C8orf34: variants seen among roughly 807,000 people sequenced by gnomAD.
C8orf34 encodes the protein chromosome 8 open reading frame 34.
Under a neutral mutation model 68.3 loss-of-function variants are expected in C8orf34, and 65 were observed. The observed-to-expected ratio is 0.95, with a 90% confidence interval of 0.78 to 1.17. The LOEUF (loss-of-function observed/expected upper bound fraction) is 1.17, where lower values mean the gene tolerates loss of function less well. C8orf34 is among the 50% of genes most tolerant of loss of function. The pLI is 0.00. For synonymous variants in C8orf34, 244 were observed against 241.2 expected (o/e 1.01, Z -0.11); for missense variants, 664 against 655.4 (o/e 1.01, Z -0.14).
intron 8 of C8orf34, among the ~76,000 whole-genome samples, chr8:68,665,058 C>A (rs1477678014): frequency 6.6e-6 from 1 of 152,180 alleles, no homozygotes; most frequent in Non-Finnish European, 1.5e-5. Flanking sequence ...TAATTCTCTT[C>A]TCCCATGGAT....
At chr8:68,379,293 G>A (rs760742111) in intron 1 of C8orf34, among the ~76,000 whole-genome samples, 11 of 152,120 alleles carry the variant, frequency 7.2e-5, no homozygotes, top group East Asian at 1.9e-4. Context: ...GTGTTACTTC[G>A]GTTGTTAATT....
At chr8:68,777,626 T>TCAA (rs1240575279) in intron 11 of C8orf34, among the ~76,000 whole-genome samples, 2 of 152,138 alleles carry the variant, frequency 1.3e-5, no homozygotes, top group African/African-American at 4.8e-5. Flanking sequence ...ATAATCAAAA[T>TCAA]CAACATCCTA....
chr8:68,460,122 A>T (rs562283671), intron 3 of C8orf34, among the ~76,000 whole-genome samples: 223 of 152,106 alleles, frequency 1.5e-3, no homozygotes, highest in African/African-American at 4.9e-3. Context: ...TAAAAAACGG[A>T]GTACCAGGAG....
At chr8:68,608,741 T>C (rs530056381) in intron 7 of C8orf34, among the ~76,000 whole-genome samples, 16 of 151,896 alleles carry the variant, frequency 1.1e-4, no homozygotes, top group Non-Finnish European at 2.4e-4. Context: ...GTCTCAAAGA[T>C]AGGTCTGATG....
intron 1 of C8orf34, among the ~76,000 whole-genome samples, chr8:68,345,522 G>T (rs1434006099): frequency 1.3e-5 from 2 of 151,882 alleles, no homozygotes; most frequent in African/African-American, 4.8e-5. Context: ...CAATTTATAG[G>T]CCTGACAGTT....
At chr8:68,331,498 C>A in intron 1 of C8orf34, 159 bp downstream of exon 1, 1 of 826,008 alleles carries the variant, frequency 1.2e-6, no homozygotes, top group Non-Finnish European at 2.0e-6. Flanking sequence ...TCGCTCTGTC[C>A]CGGCCAGGTG....
At chr8:68,704,478 CA>C (rs1364493459) in intron 8 of C8orf34, among the ~76,000 whole-genome samples, 3 of 152,006 alleles carry the variant, frequency 2.0e-5, no homozygotes, top group Admixed American at 6.6e-5. Flanking sequence ...TTTGCAGACA[CA>C]GGTAGGGATT....
At chr8:68,341,204 C>T (rs1323268414) in intron 1 of C8orf34, among the ~76,000 whole-genome samples, 2 of 152,130 alleles carry the variant, frequency 1.3e-5, no homozygotes, top group Non-Finnish European at 2.9e-5. Flanking sequence ...TGTGTGTCTT[C>T]ACATGGAAAG....
chr8:68,332,166 A>G (rs1805640412), intron 1 of C8orf34, among the ~76,000 whole-genome samples: 2 of 152,018 alleles, frequency 1.3e-5, no homozygotes. Context: ...GGACACGAGA[A>G]AATGAGAACA....
At chr8:68,550,838 TGAG>T (rs1346597905) in intron 7 of C8orf34, among the ~76,000 whole-genome samples, 1 of 151,748 alleles carries the variant, frequency 6.6e-6, no homozygotes, top group East Asian at 1.9e-4. Context: ...GCATCATTTC[TGAG>T]GAGAAGTCAA....
chr8:68,712,253 A>G (rs1439417899), intron 9 of C8orf34, among the ~76,000 whole-genome samples: 1 of 152,176 alleles, frequency 6.6e-6, no homozygotes, highest in African/African-American at 2.4e-5. Context: ...TAAATCTCAC[A>G]GGACCTGTAT....
intron 7 of C8orf34, chr8:68,535,750 G>C: frequency 1.1e-6 from 1 of 948,676 alleles, no homozygotes; most frequent in Non-Finnish European, 1.3e-6. Flanking sequence ...TGCTTTAAAT[G>C]CTCCTTATAA....
upstream of C8orf34, among the ~76,000 whole-genome samples, chr8:68,330,416 C>T (rs867971375): frequency 6.6e-6 from 1 of 152,102 alleles, no homozygotes; most frequent in South Asian, 2.1e-4. Flanking sequence ...TGCGTTCACC[C>T]GTCGACTTGC....
chr8:68,353,193 T>C (rs1039686899), intron 1 of C8orf34, among the ~76,000 whole-genome samples: 2 of 152,022 alleles, frequency 1.3e-5, no homozygotes, highest in African/African-American at 2.4e-5. Context: ...CTCTTGAATT[T>C]TGAGCATAGG....
chr8:68,435,451 C>T (rs1379070960), intron 1 of C8orf34, among the ~76,000 whole-genome samples: 1 of 152,022 alleles, frequency 6.6e-6, no homozygotes, highest in Non-Finnish European at 1.5e-5. Flanking sequence ...CTGAATATAC[C>T]AGCCTGCAGC....
intron 8 of C8orf34, among the ~76,000 whole-genome samples, chr8:68,696,797 T>G (rs2130922457): frequency 6.6e-6 from 1 of 152,236 alleles, no homozygotes; most frequent in African/African-American, 2.4e-5. Flanking sequence ...TATAATTTCC[T>G]TTAGCTATAA....
intron 10 of C8orf34, among the ~76,000 whole-genome samples, chr8:68,762,013 G>A (rs1823038311): frequency 6.6e-6 from 1 of 152,210 alleles, no homozygotes; most frequent in Non-Finnish European, 1.5e-5. Flanking sequence ...CACTGTTGGA[G>A]CTCTTATAAA....
At chr8:68,590,521 A>G (rs1817355532) in intron 7 of C8orf34, among the ~76,000 whole-genome samples, 1 of 152,102 alleles carries the variant, frequency 6.6e-6, no homozygotes, top group African/African-American at 2.4e-5. Flanking sequence ...GCAGAGGAGG[A>G]TGGTGGAAAG....
chr8:68,688,875 G>T (rs1415334520), intron 8 of C8orf34, among the ~76,000 whole-genome samples: 2 of 152,002 alleles, frequency 1.3e-5, no homozygotes, highest in East Asian at 1.9e-4. Flanking sequence ...AGCTAATGCA[G>T]TTGGGGCTTA....
Sources: allele counts gnomAD v4.1 joint callset (sites outside exome capture counted in the v4.1 genomes callset), GRCh38; gene constraint gnomAD v4.1.1; transcripts MANE v1.5; gene names NCBI Gene and HGNC (gene_info 2026-07-23, HGNC 2026-07-21).